Variants in ANK2 observed in about 807,000 individuals in gnomAD.
ANK2 encodes the protein ankyrin 2, also known as ankyrin-2.
ANK2 carries 83 observed loss-of-function variants against 360.5 expected under a neutral mutation model. The ratio of observed to expected loss-of-function variants is 0.23; its 90% CI spans 0.19 to 0.28. The LOEUF is 0.28. ANK2 is among the 10% of genes least tolerant of loss of function. The pLI is 1.00. For synonymous variants in ANK2, 1,740 were observed against 1,759.5 expected, an observed-to-expected ratio of 0.99 and a Z score of 0.28; for missense variants, 4,201 against 4,795.7, an observed-to-expected ratio of 0.88 and a Z score of 3.66.
At chr4:113,288,058 C>T (rs2065587864) in intron 19 of ANK2, among the ~76,000 whole-genome samples, 1 of 152,164 alleles carries the variant, frequency 6.6e-6, no homozygotes, top group African/African-American at 2.4e-5. Context: ...CTCTCTATGC[C>T]ATAAAATTCT....
At position 113,258,296 on chromosome 4, in the gene ANK2, G is replaced by A. The variant is rs1286456564; in HGVS notation, c.1288-17G>A. 6.2e-7 allele frequency: 1 copy of A among 1,612,884 alleles called. No individual in the cohort carries two copies. Among genetic ancestry groups the A allele is most frequent in the Non-Finnish European group, 8.5e-7 (1 of 1,179,232 alleles). On this transcript the variant is annotated splice_polypyrimidine_tract_variant and intron_variant, in intron 12 of 45. Coordinates refer to ENST00000357077, the MANE Select transcript of ANK2 (RefSeq NM_001148.6). ...ACCGGTGCAGAGGAGTAAAACTGCT[G>A]TTGCTTTGTTTCGCAGTCTGGCCTC...
chr4:113,227,681 G>A (rs562357636), intron 4 of ANK2, among the ~76,000 whole-genome samples: 1 of 152,202 alleles, frequency 6.6e-6, no homozygotes, highest in Admixed American at 6.5e-5. Flanking sequence ...CCATTACAGG[G>A]AAGAGACTAT....
At chr4:112,965,745 T>G (rs2036959105) in intron 2 of ANK2, among the ~76,000 whole-genome samples, 1 of 152,224 alleles carries the variant, frequency 6.6e-6, no homozygotes, top group African/African-American at 2.4e-5. Context: ...TTAATATATG[T>G]TCTTGGCACC....
At chr4:113,334,902 A>G (rs987676424) in intron 29 of ANK2, among the ~76,000 whole-genome samples, 1 of 151,964 alleles carries the variant, frequency 6.6e-6, no homozygotes, top group Non-Finnish European at 1.5e-5. Flanking sequence ...TTAAAAATAA[A>G]TATAGGCTAG....
At chr4:112,803,909 A>C in the ANK2 span, among the ~76,000 whole-genome samples, 1 of 152,232 alleles carries the variant, frequency 6.6e-6, no homozygotes, top group Non-Finnish European at 1.5e-5. Flanking sequence ...AGAATAATAT[A>C]ATGAAGCCCT....
chr4:113,186,783 A>C (rs1049780864), intron 2 of ANK2, among the ~76,000 whole-genome samples: 1 of 152,168 alleles, frequency 6.6e-6, no homozygotes, highest in Non-Finnish European at 1.5e-5. Flanking sequence ...GAAAAAAAGG[A>C]ATTTGTGTAG....
chr4:112,887,739 A>T lies in ANK2; in HGVS notation c.-39-16716A>T, dbSNP rs1417893811. 3.3e-5 allele frequency among the ~76,000 whole-genome samples: 5 copies of T among 149,540 alleles called. No homozygotes were observed. The East Asian group carries it at 9.7e-4, about 29-fold the overall frequency. ...GGTCTTCTTTCCTGTTGTACAAATA[A>T]AAAAAAAAGCAGTTGGTTATTGTTT... is the stretch of plus-strand genomic sequence containing the variant. On this transcript the variant is annotated intron_variant, in intron 1 of 30. Transcript: ENST00000503271.
chr4:113,373,043 G>A (rs2096795075), intron 43 of ANK2, 47 bp from the exon 44 acceptor site: 1 of 1,498,654 alleles, frequency 6.7e-7, no homozygotes, highest in Non-Finnish European at 9.3e-7. Context: ...TAGTTCCTCA[G>A]AATTGGTGCC....
chr4:113,279,323 CAT>C (rs1265567332), intron 17 of ANK2, among the ~76,000 whole-genome samples: 1 of 152,052 alleles, frequency 6.6e-6, no homozygotes, highest in Admixed American at 6.6e-5. Flanking sequence ...AAACTGCCAC[CAT>C]TTATTTGCCA....
chr4:113,218,725 A>T (rs1485297896), intron 4 of ANK2, among the ~76,000 whole-genome samples: 1 of 152,182 alleles, frequency 6.6e-6, no homozygotes, highest in Non-Finnish European at 1.5e-5. Flanking sequence ...AAGACAGTTA[A>T]GTAGAAATAA....
chr4:113,054,942 T>A (rs2068874574), intron 1 of ANK2, among the ~76,000 whole-genome samples: 1 of 152,208 alleles, frequency 6.6e-6, no homozygotes, highest in African/African-American at 2.4e-5. Flanking sequence ...AGCAGCATAT[T>A]TCAAAGTGCT....
chr4:113,106,290 T>A (rs1284706514), intron 1 of ANK2, among the ~76,000 whole-genome samples: 1 of 152,204 alleles, frequency 6.6e-6, no homozygotes, highest in Non-Finnish European at 1.5e-5. Flanking sequence ...ACTCCATTAG[T>A]TTCTGTGAAC....
intron 2 of ANK2, among the ~76,000 whole-genome samples, chr4:112,990,849 G>A (rs1427501384): frequency 6.6e-6 from 1 of 152,152 alleles, no homozygotes; most frequent in African/African-American, 2.4e-5. Flanking sequence ...CAAACTCTAA[G>A]TGTTACTGTG....
intron 45 of ANK2, among the ~76,000 whole-genome samples, chr4:113,375,719 C>T (rs1230941077): frequency 2.8e-5 from 4 of 142,906 alleles, no homozygotes; most frequent in African/African-American, 5.2e-5. Context: ...AGCGAGAATT[C>T]GTCTCAAAAA....
At chr4:112,754,663 T>C in the ANK2 span, among the ~76,000 whole-genome samples, 2 of 152,120 alleles carry the variant, frequency 1.3e-5, no homozygotes, top group Non-Finnish European at 2.9e-5. Context: ...TAGAGCACTC[T>C]CATGTGGCTG....
chr4:112,940,322 T>A (rs12511167), intron 2 of ANK2, among the ~76,000 whole-genome samples: 6,991 of 152,278 alleles, frequency 0.046, 530 homozygotes, highest in East Asian at 0.33. Context: ...AAGCCGTTCT[T>A]AAATACTCTT....
At chr4:113,240,359 AC>A in intron 7 of ANK2, 125 bp from the exon 8 acceptor site, 1 of 729,226 alleles carries the variant, frequency 1.4e-6, no homozygotes, top group South Asian at 1.5e-5. Context: ...TTAAGATCTT[AC>A]TAAAGCATTT....
intron 9 of ANK2, among the ~76,000 whole-genome samples, chr4:113,245,437 C>T (rs1443192359): frequency 2.0e-5 from 3 of 152,176 alleles, no homozygotes; most frequent in Non-Finnish European, 2.9e-5. Context: ...TTAATTGACT[C>T]ACAGTTCTGC....
At chr4:113,061,825 T>A (rs1208229439) in intron 1 of ANK2, among the ~76,000 whole-genome samples, 1 of 152,146 alleles carries the variant, frequency 6.6e-6, no homozygotes, top group African/African-American at 2.4e-5. Flanking sequence ...AATAATGTAA[T>A]TGTACATTTA....
Sources: allele counts gnomAD v4.1 joint callset (sites outside exome capture counted in the v4.1 genomes callset), GRCh38; gene constraint gnomAD v4.1.1; transcripts MANE v1.5; gene names NCBI Gene and HGNC (gene_info 2026-07-23, HGNC 2026-07-21).